STXBP5L: variants seen among roughly 807,000 people sequenced by gnomAD.
STXBP5L encodes syntaxin-binding protein 5-like.
In STXBP5L, 65 loss-of-function variants were observed where a neutral mutation model predicts 144.5. That is an observed-to-expected ratio of 0.45 (90% CI 0.37 to 0.55). STXBP5L has a LOEUF of 0.55. Ranked by LOEUF, STXBP5L falls within the 20% of genes least tolerant of loss-of-function variation. STXBP5L has a pLI of 0.00. For missense variants in STXBP5L, 1,298 were observed against 1,405.5 expected, an observed-to-expected ratio of 0.92 and a Z score of 1.22; for synonymous variants, 505 against 469.6, an observed-to-expected ratio of 1.08 and a Z score of -0.97.
chr3:121,157,685 G>A, intron 9 of STXBP5L, 58 bp downstream of exon 9: 2 of 1,553,256 alleles, frequency 1.3e-6, no homozygotes, highest in South Asian at 1.2e-5. Flanking sequence ...TTGACTTGAA[G>A]TAAGAGAGAT....
At chr3:121,279,512 GA>G (rs1454641549) in intron 18 of STXBP5L, among the ~76,000 whole-genome samples, 1 of 151,806 alleles carries the variant, frequency 6.6e-6, no homozygotes. Flanking sequence ...ATTCTTCTGT[GA>G]AAACATAAGG....
intron 20 of STXBP5L, among the ~76,000 whole-genome samples, chr3:121,368,902 G>A (rs1385056358): frequency 6.6e-6 from 1 of 152,186 alleles, no homozygotes; most frequent in African/African-American, 2.4e-5. Flanking sequence ...AAATCCCTTG[G>A]AAGTCACTTC....
In STXBP5L at chr3:121,082,956, T is replaced by C. The variant is rs374381300; in HGVS notation, c.471-31969T>C. Among the ~76,000 whole-genome samples the C allele has an allele frequency of 1.3e-3, 191 of 152,308 alleles. 1 individual carries two copies. In the Middle Eastern group the frequency reaches 0.02, roughly 16 times the overall value. The stretch of plus-strand genomic sequence containing the variant: ...GCTCATGCCTGTAATCCCAGCACTT[T>C]GGGAGGCTGAGGCAGGCAGATTACG... On this transcript the variant is annotated intron_variant, in intron 5 of 26. Coordinates refer to ENST00000471454, the MANE Select transcript of STXBP5L (RefSeq NM_001308330.2).
At chr3:121,082,153 A>C (rs146135894) in intron 5 of STXBP5L, among the ~76,000 whole-genome samples, 8 of 152,344 alleles carry the variant, frequency 5.3e-5, no homozygotes, top group Non-Finnish European at 7.4e-5. Context: ...TTCAAAAAAA[A>C]ATCTTGCGAT....
chr3:121,327,676 A>C (rs2044195682), intron 20 of STXBP5L, among the ~76,000 whole-genome samples: 1 of 152,202 alleles, frequency 6.6e-6, no homozygotes, highest in Non-Finnish European at 1.5e-5. Context: ...AGTACAATTT[A>C]TGTAAAATAA....
chr3:121,296,882 G>T (rs2051673518), intron 19 of STXBP5L, among the ~76,000 whole-genome samples: 1 of 152,192 alleles, frequency 6.6e-6, no homozygotes. Flanking sequence ...AAGTAGCAAT[G>T]CAGGTGGACT....
At chr3:121,150,179 C>T (rs1019168770) in intron 7 of STXBP5L, among the ~76,000 whole-genome samples, 1 of 151,994 alleles carries the variant, frequency 6.6e-6, no homozygotes, top group Admixed American at 6.6e-5. Context: ...TTGTTATTCA[C>T]CAAATACCTA....
intron 3 of STXBP5L, among the ~76,000 whole-genome samples, chr3:120,986,787 A>C (rs1942327222): frequency 6.6e-6 from 1 of 151,980 alleles, no homozygotes. Flanking sequence ...GAGAGCTGAA[A>C]ATTACAATAC....
chr3:121,087,356 A>T (rs1576905061), intron 5 of STXBP5L, among the ~76,000 whole-genome samples: 1 of 151,912 alleles, frequency 6.6e-6, no homozygotes, highest in African/African-American at 2.4e-5. Context: ...TGTATTTTGC[A>T]GCCTGTTTGG....
chr3:121,319,067 G>A (rs1273572622), intron 20 of STXBP5L, among the ~76,000 whole-genome samples: 3 of 151,994 alleles, frequency 2.0e-5, no homozygotes, highest in Non-Finnish European at 4.4e-5. Context: ...AGATTCCTAG[G>A]GATAAATCTT....
intron 11 of STXBP5L, among the ~76,000 whole-genome samples, chr3:121,231,752 T>G (rs1292172602): frequency 6.6e-6 from 1 of 152,210 alleles, no homozygotes; most frequent in Admixed American, 6.5e-5. Flanking sequence ...CTAAAAGGGC[T>G]GGAGGGAGCA....
chr3:120,947,407 G>C (rs1710930995), intron 2 of STXBP5L, among the ~76,000 whole-genome samples: 1 of 151,512 alleles, frequency 6.6e-6, no homozygotes, highest in Non-Finnish European at 1.5e-5. Context: ...TGCATACTTT[G>C]TCTCATAATA....
intron 2 of STXBP5L, among the ~76,000 whole-genome samples, chr3:120,950,630 AC>A (rs1441294403): frequency 2.0e-5 from 3 of 152,130 alleles, no homozygotes; most frequent in African/African-American, 7.2e-5. Context: ...GGTGCGCTGC[AC>A]CCACTGCTCA....
intron 23 of STXBP5L, among the ~76,000 whole-genome samples, chr3:121,412,822 C>T (rs1419045980): frequency 2.0e-5 from 3 of 150,736 alleles, no homozygotes; most frequent in African/African-American, 7.3e-5. Context: ...ACAACCAGGC[C>T]GAGTATGGTG....
chr3:121,398,217 T>A (rs1003369408), intron 22 of STXBP5L, among the ~76,000 whole-genome samples: 1 of 152,256 alleles, frequency 6.6e-6, no homozygotes, highest in African/African-American at 2.4e-5. Flanking sequence ...TGTATGTATT[T>A]GTACCCGTTT....
At chr3:121,165,559 G>A (rs1156619490) in intron 9 of STXBP5L, among the ~76,000 whole-genome samples, 1 of 152,032 alleles carries the variant, frequency 6.6e-6, no homozygotes, top group Non-Finnish European at 1.5e-5. Flanking sequence ...TTTTGTTGTA[G>A]GAAAAACTGG....
At chr3:120,914,476 A>G (rs943678330) in intron 2 of STXBP5L, among the ~76,000 whole-genome samples, 3 of 152,092 alleles carry the variant, frequency 2.0e-5, no homozygotes, top group Non-Finnish European at 4.4e-5. Flanking sequence ...GTAAATAGGT[A>G]TAGATCAGAA....
At chr3:121,091,489 T>C (rs1404285920) in intron 5 of STXBP5L, among the ~76,000 whole-genome samples, 1 of 152,208 alleles carries the variant, frequency 6.6e-6, no homozygotes, top group East Asian at 1.9e-4. Context: ...TGTGAGATGA[T>C]ATCTCATTGC....
At chr3:121,144,111 T>C (rs908966219) in intron 7 of STXBP5L, among the ~76,000 whole-genome samples, 3 of 121,676 alleles carry the variant, frequency 2.5e-5, no homozygotes, top group Admixed American at 1.6e-4. Flanking sequence ...ATCTGCAAAA[T>C]ACATAAGAAA....
Sources: allele counts gnomAD v4.1 joint callset (sites outside exome capture counted in the v4.1 genomes callset), GRCh38; gene constraint gnomAD v4.1.1; transcripts MANE v1.5; gene names NCBI Gene and HGNC (gene_info 2026-07-23, HGNC 2026-07-21).